Variants in DYM observed in about 807,000 individuals in gnomAD.
DYM encodes the protein dyggve-Melchior-Clausen syndrome protein.
Under a neutral mutation model 93.1 loss-of-function variants are expected in DYM, and 78 were observed. That is an observed-to-expected ratio of 0.84 (90% CI 0.70 to 1.01). DYM has a LOEUF of 1.01. DYM is among the 50% of genes least tolerant of loss of function. The pLI is 0.00. For missense variants in DYM, 789 were observed against 845.0 expected, an observed-to-expected ratio of 0.93 and a Z score of 0.82; for synonymous variants, 321 against 319.7, an observed-to-expected ratio of 1.00 and a Z score of -0.04.
chr18:49,307,668 C>T (rs1001511911), intron 8 of DYM, among the ~76,000 whole-genome samples: 1 of 152,150 alleles, frequency 6.6e-6, no homozygotes, highest in African/African-American at 2.4e-5. Flanking sequence ...GATAGTTTAC[C>T]TTCCATACCC....
chr18:49,390,503 G>A (rs755338436), intron 3 of DYM, among the ~76,000 whole-genome samples: 3 of 151,644 alleles, frequency 2.0e-5, no homozygotes, highest in Non-Finnish European at 4.4e-5. Context: ...CATACAGCTC[G>A]ATTTTTTTTT....
chr18:49,313,228 G>A (rs1308956610), intron 8 of DYM, among the ~76,000 whole-genome samples: 1 of 151,962 alleles, frequency 6.6e-6, no homozygotes, highest in Non-Finnish European at 1.5e-5. Flanking sequence ...CACTTTGGGA[G>A]GCCGAGGCAG....
chr18:49,309,754 T>C (rs1258252329), intron 8 of DYM, among the ~76,000 whole-genome samples: 3 of 152,036 alleles, frequency 2.0e-5, no homozygotes, highest in African/African-American at 7.2e-5. Context: ...GCAGGAGAAA[T>C]GACAATTAGG....
At chr18:49,155,467 A>G (rs997003370) in intron 15 of DYM, among the ~76,000 whole-genome samples, 9 of 152,212 alleles carry the variant, frequency 5.9e-5, no homozygotes, top group Non-Finnish European at 1.3e-4. Flanking sequence ...AGTTGTGCAA[A>G]TATCACCACA....
intron 17 of DYM, among the ~76,000 whole-genome samples, chr18:49,046,192 GCA>G (rs1200802387): frequency 7.5e-6 from 1 of 133,804 alleles, no homozygotes; most frequent in Non-Finnish European, 1.6e-5. Context: ...ACACAGACAC[GCA>G]CACATAGACA....
chr18:49,052,178 C>T (rs1311911814), intron 17 of DYM, among the ~76,000 whole-genome samples: 2 of 152,146 alleles, frequency 1.3e-5, no homozygotes, highest in Non-Finnish European at 2.9e-5. Context: ...AGGGCAGTGC[C>T]TGGGAACACT....
At chr18:49,196,039 C>T (rs998043675) in intron 14 of DYM, among the ~76,000 whole-genome samples, 1 of 150,484 alleles carries the variant, frequency 6.6e-6, no homozygotes, top group East Asian at 1.9e-4. Flanking sequence ...ATTCTCCTGC[C>T]TCAGCCTCCC....
At chr18:49,181,585 G>A (rs1181550530) in intron 14 of DYM, among the ~76,000 whole-genome samples, 1 of 152,266 alleles carries the variant, frequency 6.6e-6, no homozygotes, top group East Asian at 1.9e-4. Flanking sequence ...ATGCTCCAGT[G>A]AATGTTTCCT....
intron 1 of DYM, among the ~76,000 whole-genome samples, chr18:49,435,207 CAAAAAAAAAAA>C (rs150003482): frequency 3.7e-4 from 33 of 88,768 alleles, no homozygotes; most frequent in Non-Finnish European, 5.7e-4. Flanking sequence ...GACTCCATCT[CAAAAAAAAAAA>C]AAAAAAAAAA....
At chr18:49,302,612 G>A (rs564857924) in intron 8 of DYM, among the ~76,000 whole-genome samples, 3 of 152,116 alleles carry the variant, frequency 2.0e-5, no homozygotes, top group South Asian at 2.1e-4. Flanking sequence ...AGGCGGAGGT[G>A]GGGGGACGAG....
At chr18:49,337,647 A>C (rs1358136033) in intron 6 of DYM, among the ~76,000 whole-genome samples, 1 of 152,252 alleles carries the variant, frequency 6.6e-6, no homozygotes, top group African/African-American at 2.4e-5. Flanking sequence ...AGGAGCAAAA[A>C]GGAGAGAAGA....
chr18:49,236,191 T>C (rs760887368), intron 13 of DYM, among the ~76,000 whole-genome samples: 4 of 152,162 alleles, frequency 2.6e-5, no homozygotes, highest in Admixed American at 6.6e-5. Flanking sequence ...TTAAAAAATA[T>C]GTAAATAGGC....
chr18:49,283,157 C>T (rs2095032870), intron 9 of DYM, among the ~76,000 whole-genome samples: 1 of 152,080 alleles, frequency 6.6e-6, no homozygotes, highest in Non-Finnish European at 1.5e-5. Context: ...TAACAGTAGG[C>T]CTATTTTACA....
intron 8 of DYM, among the ~76,000 whole-genome samples, chr18:49,312,351 C>T (rs758868359): frequency 6.6e-6 from 1 of 152,154 alleles, no homozygotes; most frequent in Non-Finnish European, 1.5e-5. Flanking sequence ...TGACTGGTCC[C>T]CACCCTTCAC....
At chr18:49,191,115 C>T (rs1180019264) in intron 14 of DYM, among the ~76,000 whole-genome samples, 5 of 152,022 alleles carry the variant, frequency 3.3e-5, no homozygotes, top group Admixed American at 3.3e-4. Flanking sequence ...TCTTGCCCCA[C>T]ATCGTTCAAG....
At chr18:49,360,396 G>A (rs187926762) in intron 6 of DYM, among the ~76,000 whole-genome samples, 64 of 151,996 alleles carry the variant, frequency 4.2e-4, no homozygotes, top group Admixed American at 3.1e-3. Context: ...AGGCCGAGGC[G>A]GGCAGATCAC....
chr18:49,382,780 T>C (rs2068176954), intron 3 of DYM, among the ~76,000 whole-genome samples: 2 of 152,234 alleles, frequency 1.3e-5, no homozygotes, highest in South Asian at 4.1e-4. Flanking sequence ...CTTGAACTTG[T>C]AGCAGTCTGT....
chr18:49,243,653 C>T (rs1341391187), intron 13 of DYM, among the ~76,000 whole-genome samples: 1 of 103,946 alleles, frequency 9.6e-6, no homozygotes, highest in East Asian at 2.5e-4. Flanking sequence ...GGTGACAAAG[C>T]AAGGCTCTGT....
chr18:49,447,927 C>T (rs1333116616), intron 1 of DYM, among the ~76,000 whole-genome samples: 1 of 152,110 alleles, frequency 6.6e-6, no homozygotes, highest in East Asian at 1.9e-4. Context: ...CTTTCTCTGC[C>T]CTTGGTCTGG....
Sources: gnomAD v4.1 joint callset for allele counts (sites outside exome capture counted in the v4.1 genomes callset) on GRCh38, gnomAD v4.1.1 for gene constraint, MANE v1.5 for transcripts, NCBI Gene and HGNC (gene_info 2026-07-23, HGNC 2026-07-21) for gene names.